Variants in MCTP2 observed in about 807,000 individuals in gnomAD.
MCTP2 encodes the protein multiple C2 and transmembrane domain containing 2.
MCTP2 carries 132 observed loss-of-function variants against 111.6 expected under a neutral mutation model. The observed-to-expected ratio is 1.18, with a 90% confidence interval of 1.03 to 1.37. The LOEUF is 1.37. Ranked by LOEUF, MCTP2 falls within the 40% of genes most tolerant of loss-of-function variation. MCTP2 has a pLI of 0.00. For synonymous variants in MCTP2, 395 were observed against 387.7 expected (o/e 1.02, Z -0.22); for missense variants, 1,183 against 1,067.9 (o/e 1.11, Z -1.50).
At chr15:94,456,846 C>T (rs530690325) in intron 19 of MCTP2, among the ~76,000 whole-genome samples, 24 of 152,138 alleles carry the variant, frequency 1.6e-4, no homozygotes, top group African/African-American at 5.8e-4. Context: ...TCTGTTTCAG[C>T]CAAGTAGTTT....
chr15:94,435,695 G>A (rs535115758), intron 17 of MCTP2, among the ~76,000 whole-genome samples: 2,592 of 131,106 alleles, frequency 0.02, 203 homozygotes, highest in African/African-American at 0.066. Flanking sequence ...GCAGTGGCGC[G>A]ATCTCGGCTC....
intron 12 of MCTP2, among the ~76,000 whole-genome samples, chr15:94,383,201 G>A (rs567129212): frequency 6.6e-6 from 1 of 152,292 alleles, no homozygotes; most frequent in African/African-American, 2.4e-5. Flanking sequence ...CAGGAGCAGA[G>A]CTTAACTCCT....
chr15:94,435,980 A>G (rs1204501574), intron 17 of MCTP2, among the ~76,000 whole-genome samples: 1 of 152,128 alleles, frequency 6.6e-6, no homozygotes, highest in Non-Finnish European at 1.5e-5. Flanking sequence ...TAATTTTATT[A>G]GACTCAAAAT....
chr15:94,289,315 A>T (rs75952871), intron 1 of MCTP2, among the ~76,000 whole-genome samples: 1 of 152,348 alleles, frequency 6.6e-6, no homozygotes, highest in African/African-American at 2.4e-5. Context: ...GCCAGGAGAA[A>T]ATGGCACATC....
intron 19 of MCTP2, 44 bp downstream of exon 19, chr15:94,443,004 T>C (rs770740907): frequency 6.4e-7 from 1 of 1,558,672 alleles, no homozygotes; most frequent in Non-Finnish European, 8.8e-7. Context: ...AACACTAGTG[T>C]TGTCAACAGA....
chr15:94,344,862 C>G (rs1344568518), intron 7 of MCTP2, among the ~76,000 whole-genome samples: 1 of 152,124 alleles, frequency 6.6e-6, no homozygotes, highest in African/African-American at 2.4e-5. Flanking sequence ...AAATGTACTT[C>G]TAAAGATTGA....
intron 1 of MCTP2, among the ~76,000 whole-genome samples, chr15:94,286,460 A>G (rs1024880397): frequency 1.3e-5 from 2 of 152,138 alleles, no homozygotes; most frequent in African/African-American, 4.8e-5. Context: ...ACACATTCTG[A>G]CTAGTGACTG....
At chr15:94,354,610 A>G (rs1418795658) in intron 8 of MCTP2, among the ~76,000 whole-genome samples, 1 of 152,184 alleles carries the variant, frequency 6.6e-6, no homozygotes, top group Admixed American at 6.5e-5. Context: ...TCCTTTGTAA[A>G]TTACCCGCCA....
intron 17 of MCTP2, among the ~76,000 whole-genome samples, chr15:94,426,814 C>T (rs555193595): frequency 1.3e-5 from 2 of 152,266 alleles, no homozygotes; most frequent in East Asian, 3.9e-4. Flanking sequence ...TAGCAAGTCA[C>T]TCTGATCCCA....
chr15:94,368,779 T>C (rs1355235332), intron 11 of MCTP2, among the ~76,000 whole-genome samples: 3 of 152,216 alleles, frequency 2.0e-5, no homozygotes, highest in Non-Finnish European at 4.4e-5. Context: ...AGCTTTCCAA[T>C]GGATAAGTTG....
intron 21 of MCTP2, among the ~76,000 whole-genome samples, chr15:94,475,241 G>A (rs1312326961): frequency 6.6e-6 from 1 of 152,100 alleles, no homozygotes; most frequent in African/African-American, 2.4e-5. Flanking sequence ...TGGGGGTAGA[G>A]GGAAAAAAGG....
At chr15:94,250,272 C>T (rs2072317474) in intron 1 of MCTP2, among the ~76,000 whole-genome samples, 1 of 152,162 alleles carries the variant, frequency 6.6e-6, no homozygotes, top group East Asian at 1.9e-4. Flanking sequence ...AAAAATATAT[C>T]ACTTAATATG....
In MCTP2 at chr15:94,367,586, AT is replaced by A; in HGVS notation, c.1302-17del. On this transcript the variant is annotated intron_variant, in intron 10 of 22. Transcript: ENST00000357742. ...GAATTAATCACTTTTCTCTCTCTTG[AT>A]TCCTGAAACTTTTCTAGGTGTAAAG... is the stretch of plus-strand genomic sequence containing the variant. The A allele has an allele frequency of 6.3e-7, 1 of 1,598,484 alleles. No homozygotes were observed. Among genetic ancestry groups the A allele is most frequent in the Non-Finnish European group, 8.5e-7 (1 of 1,173,012 alleles).
intron 1 of MCTP2, among the ~76,000 whole-genome samples, chr15:94,263,647 C>G (rs2073334422): frequency 6.6e-6 from 1 of 152,162 alleles, no homozygotes; most frequent in Non-Finnish European, 1.5e-5. Context: ...AAGTCACCAA[C>G]CAAAAGCACA....
intron 1 of MCTP2, among the ~76,000 whole-genome samples, chr15:94,254,988 G>C (rs887299233): frequency 6.6e-6 from 1 of 152,188 alleles, no homozygotes; most frequent in Non-Finnish European, 1.5e-5. Flanking sequence ...CATGGGAAAG[G>C]TCAATGAATG....
At chr15:94,385,285 T>C (rs1445584766) in intron 13 of MCTP2, 138 bp from the exon 14 acceptor site, 5 of 558,294 alleles carry the variant, frequency 9.0e-6, no homozygotes, top group Non-Finnish European at 1.6e-5. Flanking sequence ...TTTGATTTAA[T>C]TTTTGGAATT....
intron 11 of MCTP2, among the ~76,000 whole-genome samples, chr15:94,368,094 CTG>C (rs36074467): frequency 6.6e-6 from 1 of 151,852 alleles, no homozygotes; most frequent in East Asian, 1.9e-4. Context: ...CCTGCTTAGG[CTG>C]TGTGTGTGTG....
chr15:94,281,640 G>A (rs558211554), intron 1 of MCTP2, among the ~76,000 whole-genome samples: 3 of 152,090 alleles, frequency 2.0e-5, no homozygotes, highest in African/African-American at 7.2e-5. Context: ...CTGTGCAGTT[G>A]TTTTATAGTG....
chr15:94,242,935 G>A lies in MCTP2; in HGVS notation c.-66+11271G>A, dbSNP rs1362165557. 8.0e-5 allele frequency among the ~76,000 whole-genome samples: 11 copies of A among 138,074 alleles called. 1 individual carries two copies. The highest frequency in any genetic ancestry group is 2.7e-4 in the African/African-American group (10 of 37,350). The allele number at this position is 138,074 out of a possible 152,430, so 90.6% of individuals were successfully genotyped here. A position where few individuals can be genotyped will look rare whatever the true frequency, so the allele number is the denominator to read the frequency against. On this transcript the variant is annotated intron_variant, in intron 1 of 22. Coordinates refer to ENST00000357742, the MANE Select transcript of MCTP2 (RefSeq NM_001385001.1). The stretch of plus-strand genomic sequence containing the variant: ...CACATATACACGTACACATATACAC[G>A]TGTATATGTAGATACACATATACAC...
Sources: gnomAD v4.1 joint callset for allele counts (sites outside exome capture counted in the v4.1 genomes callset) on GRCh38, gnomAD v4.1.1 for gene constraint, MANE v1.5 for transcripts, NCBI Gene and HGNC (gene_info 2026-07-23, HGNC 2026-07-21) for gene names.